Variants in TRIM59 observed in about 807,000 individuals in gnomAD.
TRIM59 encodes tripartite motif-containing protein 59.
A neutral mutation model predicts 32.2 loss-of-function variants in TRIM59; 14 were observed. The ratio of observed to expected loss-of-function variants is 0.43; its 90% CI spans 0.29 to 0.68. The LOEUF (loss-of-function observed/expected upper bound fraction) is 0.68. Ranked by LOEUF, TRIM59 falls within the 30% of genes least tolerant of loss-of-function variation. The probability of loss-of-function intolerance (pLI) is 0.15; values close to 1 mark genes in which losing one functional copy is unlikely to be tolerated. For missense variants in TRIM59, 471 were observed against 463.3 expected (o/e 1.02, Z -0.15); for synonymous variants, 163 against 155.1 (o/e 1.05, Z -0.38).
chr3:160,437,046 A>G lies in TRIM59; in HGVS notation c.*926T>C. 1 of 985,392 alleles carries G rather than the reference A, an allele frequency of 1.0e-6. No individual in the cohort carries two copies. Among genetic ancestry groups the G allele is most frequent in the Non-Finnish European group, 1.2e-6 (1 of 829,920 alleles). 61.0% of individuals were successfully genotyped at this position (985,392 alleles called of 1,614,324 possible). On this transcript the variant is annotated 3_prime_UTR_variant, in exon 3 of 3. Coordinates refer to ENST00000309784, the MANE Select transcript of TRIM59 (RefSeq NM_173084.3). ...AAATTTGCACAAACTATAGAATATG[A>G]CAAGTATTAGAAAATGCTGGCCCCC... is the stretch of plus-strand genomic sequence containing the variant.
rs1481618790 is a variant in TRIM59 at position 160,436,219 on chromosome 3, C to G, written c.*1753G>C. On this transcript the variant is annotated 3_prime_UTR_variant, in exon 3 of 3. Transcript: ENST00000309784. ...TTCTCAGCAGGTAAGAGTTTTAGAA[C>G]TAGTTCCCTGAAAAAGCTGTATTTA... The G allele has an allele frequency of 4.0e-6, 4 of 995,140 alleles. No homozygotes were observed. Among genetic ancestry groups the G allele is most frequent in the Non-Finnish European group, 4.8e-6 (4 of 835,822 alleles). The allele number at this position is 995,140 out of a possible 1,614,324, so 61.6% of individuals were successfully genotyped here.
intron 2 of TRIM59, among the ~76,000 whole-genome samples, chr3:160,442,236 G>C (rs1330013269): frequency 6.6e-6 from 1 of 152,024 alleles, no homozygotes; most frequent in African/African-American, 2.4e-5. Flanking sequence ...AGAAAACTAG[G>C]GAACAACTCT....
Position 160,436,568 on chromosome 3 carries a change from G to A in TRIM59, c.*1404C>T, listed in dbSNP as rs1272153568. 4 of 962,116 alleles carry A rather than the reference G, an allele frequency of 4.2e-6. No homozygotes were observed. Among genetic ancestry groups the A allele is most frequent in the Non-Finnish European group, 2.5e-6 (2 of 808,668 alleles). 59.6% of individuals were successfully genotyped at this position (962,116 alleles called of 1,614,324 possible). A position where few individuals can be genotyped will look rare whatever the true frequency, so the allele number is the denominator to read the frequency against. Reference sequence around the variant, plus strand: ...AATCCCAGCATTTTGGGAGGCTGAGGCGAGTGGATCATGAGGTCAGGAGAT... The same window carrying A: ...AATCCCAGCATTTTGGGAGGCTGAGACGAGTGGATCATGAGGTCAGGAGAT... On this transcript the variant is annotated 3_prime_UTR_variant, in exon 3 of 3. Coordinates refer to ENST00000309784, the MANE Select transcript of TRIM59 (RefSeq NM_173084.3).
In TRIM59 at chr3:160,436,089, T is replaced by C. The variant is rs1043681016; in HGVS notation, c.*1883A>G. 2 of 1,118,972 alleles carry C rather than the reference T, an allele frequency of 1.8e-6. No individual in the cohort carries two copies. Among genetic ancestry groups the C allele is most frequent in the African/African-American group, 3.3e-5 (2 of 60,430 alleles). 69.3% of individuals were successfully genotyped at this position (1,118,972 alleles called of 1,614,324 possible). A position where few individuals can be genotyped will look rare whatever the true frequency, so the allele number is the denominator to read the frequency against. ...TATGTGTCTCTCCTTACCTCTACTA[T>C]GCCCTTTAAATGTTCTTTGCCCACA... On this transcript the variant is annotated 3_prime_UTR_variant, in exon 3 of 3. Coordinates refer to ENST00000309784, the MANE Select transcript of TRIM59 (RefSeq NM_173084.3).
At chr3:160,445,275 T>G (rs1370903759) in intron 2 of TRIM59, among the ~76,000 whole-genome samples, 2 of 150,770 alleles carry the variant, frequency 1.3e-5, no homozygotes, top group Non-Finnish European at 3.0e-5. Context: ...CTTAGCTAAG[T>G]ATGGTGGCGC....
In TRIM59 at chr3:160,448,368, C is replaced by T. The variant is rs567687384; in HGVS notation, c.-4+358G>A. On this transcript the variant is annotated intron_variant, in intron 2 of 2. Coordinates refer to ENST00000309784, the MANE Select transcript of TRIM59 (RefSeq NM_173084.3). ...ACTTACTCATTTAAAAAGACCAATACATGAATGCATAGTGAAAAAGTATCC... is the reference window on the plus strand; with the variant it reads ...ACTTACTCATTTAAAAAGACCAATATATGAATGCATAGTGAAAAAGTATCC... 1.2e-4 allele frequency among the ~76,000 whole-genome samples: 18 copies of T among 152,292 alleles called. No homozygotes were observed. The South Asian group carries it at 3.5e-3, about 30-fold the overall frequency.
intron 2 of TRIM59, chr3:160,447,860 C>T (rs567586019): frequency 4.6e-5 from 7 of 152,194 alleles, no homozygotes; most frequent in Non-Finnish European, 8.8e-5. Context: ...AGAAGAAATA[C>T]ATTTCATGCA....
intron 2 of TRIM59, chr3:160,447,922 A>G (rs1010417579): frequency 6.6e-6 from 1 of 152,218 alleles, no homozygotes; most frequent in African/African-American, 2.4e-5. Context: ...ATAAACATAT[A>G]TAAGATTTTT....
At chr3:160,448,697 ATATT>A (rs1283823059) in intron 2 of TRIM59, 25 bp downstream of exon 2, 3 of 1,217,188 alleles carry the variant, frequency 2.5e-6, no homozygotes, top group Admixed American at 2.3e-5. Context: ...ATTGTTTTTC[ATATT>A]TATTTAATCT....
Position 160,436,140 on chromosome 3 carries a change from GTC to G in TRIM59, c.*1830_*1831del. ...CAATAGTTAATTGTGCTAGGTATAA[GTC>G]TGATTCTAATAATAAATTGATATAA... On this transcript the variant is annotated 3_prime_UTR_variant, in exon 3 of 3. Transcript: ENST00000309784. 9.6e-7 allele frequency: 1 copy of G among 1,043,578 alleles called. No homozygotes were observed. Among genetic ancestry groups the G allele is most frequent in the Non-Finnish European group, 1.2e-6 (1 of 863,478 alleles). 64.6% of individuals were successfully genotyped at this position (1,043,578 alleles called of 1,614,324 possible). A position where few individuals can be genotyped will look rare whatever the true frequency, so the allele number is the denominator to read the frequency against.
At chr3:160,441,345 C>T (rs1208086900) in intron 2 of TRIM59, among the ~76,000 whole-genome samples, 1 of 152,060 alleles carries the variant, frequency 6.6e-6, no homozygotes, top group South Asian at 2.1e-4. Context: ...TGAACAAATG[C>T]CTTTTCAGAG....
Position 160,439,051 on chromosome 3 carries a change from A to G in TRIM59, c.133T>C (p.Tyr45His). 1 of 1,584,970 alleles carries G rather than the reference A, an allele frequency of 6.3e-7. No individual in the cohort carries two copies. The highest frequency in any genetic ancestry group is 8.6e-7 in the Non-Finnish European group (1 of 1,166,430). Residue 45 changes from tyrosine (Y) to histidine (H), a missense_variant, in exon 3 of 3, where the codon TAT (tyrosine) becomes CAT (histidine). By Grantham distance (83) the Tyr-to-His change is moderately conservative. Coordinates refer to ENST00000309784, the MANE Select transcript of TRIM59 (RefSeq NM_173084.3). ...GGAATTCGTAAAGGTCTCCATATAT[A>G]AAAGTTACCAGATGCCTGAAGAATG... ...ENILQASGNFYIWRPLRIPLK... is the reference protein window; with the variant it reads ...ENILQASGNFHIWRPLRIPLK...
intron 1 of TRIM59, 64 bp from the exon 2 acceptor site, chr3:160,448,859 T>C (rs1053614948): frequency 1.1e-6 from 1 of 912,952 alleles, no homozygotes; most frequent in Non-Finnish European, 1.5e-6. Context: ...TAAAAATGGT[T>C]GTTAGTTCAC....
intron 2 of TRIM59, chr3:160,447,587 G>A (rs966645979): frequency 1.3e-5 from 2 of 152,176 alleles, no homozygotes; most frequent in Non-Finnish European, 2.9e-5. Flanking sequence ...AAATAGCACC[G>A]AAAATATCAT....
Position 160,438,618 on chromosome 3 carries a change from A to C in TRIM59, c.566T>G (p.Phe189Cys). ...QGDKEAVLQY[F>C]KELNDTLEQK... ...TTCTAATGTATCATTAAGCTCCTTA[A>C]AATACTGGAGAACAGCTTCCTTATC... Residue 189 changes from phenylalanine to cysteine, a missense_variant, in exon 3 of 3, where the codon TTT (phenylalanine) becomes TGT (cysteine). Coordinates refer to ENST00000309784, the MANE Select transcript of TRIM59 (RefSeq NM_173084.3). 6.2e-7 allele frequency: 1 copy of C among 1,612,370 alleles called. No individual in the cohort carries two copies. Among genetic ancestry groups the C allele is most frequent in the Admixed American group, 1.7e-5 (1 of 59,626 alleles).
In TRIM59 at chr3:160,448,784, TTTATTC is replaced by T. The variant is rs1348816505; in HGVS notation, c.-68_-63del. The T allele has an allele frequency of 7.9e-7, 1 of 1,263,988 alleles. No individual in the cohort carries two copies. 78.3% of individuals were successfully genotyped at this position (1,263,988 alleles called of 1,614,324 possible). On this transcript the variant is annotated 5_prime_UTR_variant, in exon 2 of 3. Transcript: ENST00000309784. Reference sequence around the variant, plus strand: ...CTCTTCTCCAACTCCTCCAGAATCTTTTATTCTTATTCTAAAATTAAAATAATGTTA... The same window carrying T: ...CTCTTCTCCAACTCCTCCAGAATCTTTTATTCTAAAATTAAAATAATGTTA...
chr3:160,449,581 GTCCCAAGCCAC>G, intron 1 of TRIM59, 125 bp downstream of exon 1: 1 of 1,288,938 alleles, frequency 7.8e-7, no homozygotes, highest in Non-Finnish European at 1.0e-6. Flanking sequence ...ATGAGTGCAG[GTCCCAAGCCAC>G]TCCCTCCATC....
chr3:160,444,831 G>A (rs944772142), intron 2 of TRIM59, among the ~76,000 whole-genome samples: 1 of 152,230 alleles, frequency 6.6e-6, no homozygotes, highest in Non-Finnish European at 1.5e-5. Context: ...GCTTTCAGAT[G>A]TTTGTTACAC....
Position 160,448,719 on chromosome 3 carries a change from T to C in TRIM59, c.-4+7A>G, listed in dbSNP as rs927500427. On this transcript the variant is annotated splice_region_variant and intron_variant, in intron 2 of 2. Transcript: ENST00000309784. ...TTCATATTTATTTAATCTCCCAGAT[T>C]ACCTACTTTGTTGATCTCGTGGTTT... 3.1e-6 allele frequency: 4 copies of C among 1,270,238 alleles called. No individual in the cohort carries two copies. In the African/African-American group the frequency reaches 6.1e-5, roughly 19 times the overall value. 78.7% of individuals were successfully genotyped at this position (1,270,238 alleles called of 1,614,324 possible).
Sources: allele counts gnomAD v4.1 joint callset (sites outside exome capture counted in the v4.1 genomes callset), GRCh38; gene constraint gnomAD v4.1.1; transcripts MANE v1.5; gene names NCBI Gene and HGNC (gene_info 2026-07-23, HGNC 2026-07-21).